Variants in CACNA1H observed in about 807,000 individuals in gnomAD.
The protein encoded by CACNA1H is calcium voltage-gated channel subunit alpha1 H.
A neutral mutation model predicts 192.5 loss-of-function variants in CACNA1H; 149 were observed. The observed-to-expected ratio is 0.77, with a 90% CI of 0.68 to 0.89. The LOEUF (loss-of-function observed/expected upper bound fraction) is 0.89, where lower values mean the gene tolerates loss of function less well. Among genes scored for constraint, CACNA1H ranks in the 40% least tolerant of loss-of-function variants. CACNA1H has a pLI of 0.00. For missense variants in CACNA1H, 4,257 were observed against 3,423.5 expected (o/e 1.24, Z -6.08); for synonymous variants, 2,202 against 1,475.2 (o/e 1.49, Z -11.29).
At chr16:1,214,870 C>A (rs1969873698) in intron 27 of CACNA1H, 102 bp from the exon 28 acceptor site, 6 of 844,718 alleles carry the variant, frequency 7.1e-6, no homozygotes, top group Admixed American at 6.1e-5. Flanking sequence ...CTGGGAGCCT[C>A]CAGGGCCGGC....
rs1218983878 is a variant in CACNA1H, at chr16:1,193,292, G to A, written c.300-1680G>A. Among the ~76,000 whole-genome samples the A allele has an allele frequency of 2.0e-5, 3 of 152,384 alleles. No homozygotes were observed. In the East Asian group the frequency reaches 5.8e-4, roughly 29 times the overall value. On this transcript the variant is annotated intron_variant, in intron 2 of 34. Transcript: ENST00000348261. ...CAGTTAGGGGACAAAGGTGCCCGAG[G>A]CTGGGGGCGGAGCCGCCATCCACCA...
intron 3 of CACNA1H, 35 bp downstream of exon 3, chr16:1,195,118 G>T (rs1966858226): frequency 7.1e-7 from 1 of 1,401,376 alleles, no homozygotes; most frequent in African/African-American, 1.4e-5. Flanking sequence ...GAAGGAGCGT[G>T]GGTCGCTACG....
rs56930579 is a variant in CACNA1H at position 1,204,120 on chromosome 16, C to T, written c.2113C>T (p.Arg705Cys). The change falls in exon 10 of 35, where the codon CGT (arginine) becomes TGT (cysteine). Residue 705 changes from arginine (R) to cysteine (C), a missense_variant. Transcript: ENST00000348261. The stretch of plus-strand genomic sequence containing the variant: ...GCTGAAGAGCTGCCCGTACTGCACC[C>T]GTGCCCTGGAGGACCCGGAGGGTGA... Reference protein sequence around the residue: ...CELKSCPYCTRALEDPEGELS... With the variant: ...CELKSCPYCTCALEDPEGELS... 42 of 1,612,082 alleles carry T rather than the reference C, an allele frequency of 2.6e-5. No individual in the cohort carries two copies. The Admixed American group carries it at 2.7e-4, about 10-fold the overall frequency.
At chr16:1,176,735 G>A (rs1964928660) in intron 2 of CACNA1H, among the ~76,000 whole-genome samples, 1 of 152,188 alleles carries the variant, frequency 6.6e-6, no homozygotes, top group South Asian at 2.1e-4. Flanking sequence ...TGCTCATGAA[G>A]CTCAGTTTAT....
At position 1,198,963 on chromosome 16, in the gene CACNA1H, G is replaced by A. The variant is rs188598317; in HGVS notation, c.803+189G>A. 5.5e-4 allele frequency: 277 copies of A among 501,400 alleles called. No individual in the cohort carries two copies. The African/African-American group carries it at 6.1e-3, about 11-fold the overall frequency. 31.1% of individuals were successfully genotyped at this position (501,400 alleles called of 1,614,324 possible). On this transcript the variant is annotated intron_variant, in intron 6 of 34. Coordinates refer to ENST00000348261, the MANE Select transcript of CACNA1H (RefSeq NM_021098.3). ...CGCCCCCACCCCCCATCATGGCTCCGCCCAGCTGGCAGTCACCGCCCCACA... is the reference window on the plus strand; with the variant it reads ...CGCCCCCACCCCCCATCATGGCTCCACCCAGCTGGCAGTCACCGCCCCACA...
rs908390596 is a variant in CACNA1H, at chr16:1,192,328, C to T, written c.300-2644C>T. ...GCTGTCTTTGAGGAGTTGCTAGGCA[C>T]TGGGTGCCACCCACCCCTGCCAGCC... On this transcript the variant is annotated intron_variant, in intron 2 of 34. Transcript: ENST00000348261. Among the ~76,000 whole-genome samples the T allele has an allele frequency of 1.8e-4, 28 of 152,216 alleles. No individual in the cohort carries two copies. The East Asian group carries it at 5.4e-3, about 29-fold the overall frequency.
At chr16:1,166,999 G>C (rs1261987894) in intron 2 of CACNA1H, among the ~76,000 whole-genome samples, 1 of 152,206 alleles carries the variant, frequency 6.6e-6, no homozygotes, top group African/African-American at 2.4e-5. Flanking sequence ...TGGCCAGGCT[G>C]TTTTCCAAAG....
intron 2 of CACNA1H, among the ~76,000 whole-genome samples, chr16:1,171,215 C>T (rs1964336186): frequency 6.6e-6 from 1 of 152,108 alleles, no homozygotes; most frequent in Non-Finnish European, 1.5e-5. Context: ...CCCCGCGCCG[C>T]CCAGGATCAC....
Position 1,202,415 on chromosome 16 carries a change from T to C in CACNA1H, c.1965T>C (p.Asp655=), listed in dbSNP as rs1182779689. 7.9e-6 allele frequency: 12 copies of C among 1,525,282 alleles called. No individual in the cohort carries two copies. The highest frequency in any genetic ancestry group is 1.1e-5 in the Non-Finnish European group (12 of 1,133,824). The allele number at this position is 1,525,282 out of a possible 1,614,324, so 94.5% of individuals were successfully genotyped here. A position where few individuals can be genotyped will look rare whatever the true frequency, so the allele number is the denominator to read the frequency against. ...GHGPLSLNSP[D]PYEKIPHVVG... ...GCCCGTTGAGCTTGAACAGCCCTGA[T>C]CCCTACGAGAAGATCCCGCATGTGG... The change falls in exon 9 of 35, where the codon GAT becomes GAC. Residue 655 remains aspartate (D), a synonymous_variant. Transcript: ENST00000348261.
chr16:1,194,671 G>C (rs570607549), intron 2 of CACNA1H, among the ~76,000 whole-genome samples: 1 of 152,278 alleles, frequency 6.6e-6, no homozygotes, highest in South Asian at 2.1e-4. Context: ...CCTCACTACC[G>C]ATGCGGCCAG....
rs141352971 is a variant in CACNA1H at position 1,199,783 on chromosome 16, C to T, written c.804-473C>T. Among the ~76,000 whole-genome samples the T allele has an allele frequency of 2.9e-3, 438 of 151,258 alleles. 2 individuals carry two copies. Among genetic ancestry groups the T allele is most frequent in the African/African-American group, 0.01 (412 of 41,186 alleles). On this transcript the variant is annotated intron_variant, in intron 6 of 34. Transcript: ENST00000348261. ...TGCCCTCAGCCCTCACCCCTGGATC[C>T]TCTCAGCCCTCACCCCAGGGCTGCC...
In CACNA1H at chr16:1,200,711, C is replaced by A. The variant is rs188397970; in HGVS notation, c.1120-5C>A. ...CGGGCCCAAGTCAAGCCACTGCCCCCCCAGGTGATCACGCTGGAAGGCTGG... is the reference window on the plus strand; with the variant it reads ...CGGGCCCAAGTCAAGCCACTGCCCCACCAGGTGATCACGCTGGAAGGCTGG... On this transcript the variant is annotated splice_polypyrimidine_tract_variant and splice_region_variant and intron_variant, in intron 7 of 34. Transcript: ENST00000348261. The A allele has an allele frequency of 8.3e-6, 13 of 1,565,398 alleles. No homozygotes were observed. The highest frequency in any genetic ancestry group is 8.1e-5 in the South Asian group (7 of 86,040).
chr16:1,184,083 A>G (rs532113618), intron 2 of CACNA1H, among the ~76,000 whole-genome samples: 52 of 152,214 alleles, frequency 3.4e-4, no homozygotes, highest in African/African-American at 1.2e-3. Flanking sequence ...GGTAGGGGAG[A>G]TGGGACACCA....
At position 1,202,304 on chromosome 16, in the gene CACNA1H, C is replaced by T. The variant is rs1968045970; in HGVS notation, c.1854C>T (p.Pro618=). The change falls in exon 9 of 35, where the codon CCC becomes CCT. Residue 618 remains proline (P), a synonymous_variant. Coordinates refer to ENST00000348261, the MANE Select transcript of CACNA1H (RefSeq NM_021098.3). ...LGTMNYPTIL[P]SGVGSGKGST... The stretch of plus-strand genomic sequence containing the variant: ...CCATGAACTACCCCACGATCCTGCC[C>T]TCAGGGGTGGGCAGCGGCAAAGGCA... The T allele has an allele frequency of 2.5e-6, 4 of 1,585,138 alleles. No individual in the cohort carries two copies. The highest frequency in any genetic ancestry group is 1.2e-5 in the South Asian group (1 of 86,580).
chr16:1,159,022 A>G (rs543398002), intron 2 of CACNA1H, among the ~76,000 whole-genome samples: 1 of 151,882 alleles, frequency 6.6e-6, no homozygotes, highest in Non-Finnish European at 1.5e-5. Context: ...GCACTGACTG[A>G]CCTCAGGGCC....
rs1288216934 is a variant in CACNA1H at position 1,180,349 on chromosome 16, A to G, written c.300-14623A>G. On this transcript the variant is annotated intron_variant, in intron 2 of 34. Coordinates refer to ENST00000348261, the MANE Select transcript of CACNA1H (RefSeq NM_021098.3). The surrounding 1 kb of genome is among the most constrained non-coding windows in gnomAD (Gnocchi z 4.4). The stretch of plus-strand genomic sequence containing the variant: ...TGTGGGCTGGGGAGGACGGTCCCAT[A>G]GCTGGGGGCAGAGCAGGGCAGGCTG... Among the ~76,000 whole-genome samples the G allele has an allele frequency of 2.0e-5, 3 of 152,192 alleles. No individual in the cohort carries two copies. The highest frequency in any genetic ancestry group is 6.5e-5 in the Admixed American group (1 of 15,284).
At chr16:1,207,986 G>A in intron 15 of CACNA1H, 27 bp from the exon 16 acceptor site, 1 of 1,577,980 alleles carries the variant, frequency 6.3e-7, no homozygotes, top group Non-Finnish European at 8.6e-7. Context: ...GCAGCTCTAG[G>A]GGCCCATTCC....
At chr16:1,218,888 G>C in intron 33 of CACNA1H, 82 bp from the exon 34 acceptor site, 26 of 1,448,126 alleles carry the variant, frequency 1.8e-5, no homozygotes, top group Non-Finnish European at 2.3e-5. Flanking sequence ...GATGGTGGCA[G>C]GTTGGGGGAG....
intron 2 of CACNA1H, among the ~76,000 whole-genome samples, chr16:1,161,793 A>G (rs1963227177): frequency 6.6e-6 from 1 of 152,056 alleles, no homozygotes; most frequent in African/African-American, 2.4e-5. Flanking sequence ...GCCAGGCCCC[A>G]CGCCAGCCCT....
Sources: allele counts gnomAD v4.1 joint callset (sites outside exome capture counted in the v4.1 genomes callset), GRCh38; gene constraint gnomAD v4.1.1; non-coding constraint Gnocchi (gnomAD v3.1); transcripts MANE v1.5; gene names NCBI Gene and HGNC (gene_info 2026-07-23, HGNC 2026-07-21).